MPPED2: variants seen among roughly 807,000 people sequenced by gnomAD.
MPPED2 encodes the protein metallophosphoesterase MPPED2.
Under a neutral mutation model 33.0 loss-of-function variants are expected in MPPED2, and 5 were observed. That is an observed-to-expected ratio of 0.15 (90% CI 0.08 to 0.32). MPPED2 has a LOEUF of 0.32. Among genes scored for constraint, MPPED2 ranks in the 10% least tolerant of loss-of-function variants. MPPED2 has a pLI of 1.00. For missense variants in MPPED2, 275 were observed against 372.1 expected (o/e 0.74, Z 2.15); for synonymous variants, 136 against 141.9 (o/e 0.96, Z 0.29).
Position 30,503,802 on chromosome 11 carries a change from C to T in MPPED2, c.311-8281G>A, listed in dbSNP as rs898876261. Among the ~76,000 whole-genome samples, 3 of 152,136 alleles carry T rather than the reference C, an allele frequency of 2.0e-5. No homozygotes were observed. The South Asian group carries it at 6.2e-4, about 31-fold the overall frequency. ...ATGTCTGGGGCATAGCACTCACAGT[C>T]AGTAAAGCTCATTCTATAGCAGGAG... On this transcript the variant is annotated intron_variant, in intron 3 of 6. Coordinates refer to ENST00000358117, the MANE Select transcript of MPPED2 (RefSeq NM_001584.3).
intron 4 of MPPED2, among the ~76,000 whole-genome samples, chr11:30,427,875 A>C (rs779524193): frequency 1.3e-5 from 2 of 152,190 alleles, no homozygotes; most frequent in Admixed American, 6.5e-5. Flanking sequence ...CATTTGGAAG[A>C]AAAATTATTC....
At chr11:30,439,798 A>C (rs1590270356) in intron 4 of MPPED2, among the ~76,000 whole-genome samples, 1 of 152,250 alleles carries the variant, frequency 6.6e-6, no homozygotes, top group African/African-American at 2.4e-5. Context: ...TCATAAGAGA[A>C]GGGAGTTCAG....
intron 4 of MPPED2, among the ~76,000 whole-genome samples, chr11:30,492,701 T>G (rs186780725): frequency 2.2e-4 from 16 of 72,262 alleles, no homozygotes; most frequent in African/African-American, 1.8e-3. Flanking sequence ...AAAAATAAAT[T>G]GACGTACCTT....
intron 2 of MPPED2, among the ~76,000 whole-genome samples, chr11:30,545,093 G>C (rs537695698): frequency 6.6e-6 from 1 of 152,162 alleles, no homozygotes. Context: ...ATTAGGGTCT[G>C]AACCTCAGGG....
chr11:30,551,424 C>T (rs1056788059), intron 2 of MPPED2, among the ~76,000 whole-genome samples: 1 of 152,152 alleles, frequency 6.6e-6, no homozygotes, highest in Non-Finnish European at 1.5e-5. Context: ...ATAGTCCCTC[C>T]CTGTCCAATG....
intron 3 of MPPED2, among the ~76,000 whole-genome samples, chr11:30,524,209 C>T (rs374353040): frequency 6.6e-6 from 1 of 151,918 alleles, no homozygotes; most frequent in East Asian, 1.9e-4. Context: ...GCTGAGATAG[C>T]GCCATTGCAC....
chr11:30,493,003 G>A (rs1011386716), intron 4 of MPPED2, among the ~76,000 whole-genome samples: 1 of 152,154 alleles, frequency 6.6e-6, no homozygotes, highest in Non-Finnish European at 1.5e-5. Context: ...TGGCATATAG[G>A]AAGTACTTAA....
intron 2 of MPPED2, among the ~76,000 whole-genome samples, chr11:30,557,469 G>A (rs1226918942): frequency 6.6e-6 from 1 of 151,972 alleles, no homozygotes; most frequent in East Asian, 1.9e-4. Context: ...CAAATTATTA[G>A]CTCTCACTAT....
chr11:30,513,770 A>C (rs1474516813), intron 3 of MPPED2, among the ~76,000 whole-genome samples: 1 of 152,252 alleles, frequency 6.6e-6, no homozygotes. Context: ...AGGAAACAAA[A>C]GAATGAAAGA....
chr11:30,545,351 C>G (rs1001522081), intron 2 of MPPED2, among the ~76,000 whole-genome samples: 2 of 152,052 alleles, frequency 1.3e-5, no homozygotes, highest in African/African-American at 4.8e-5. Context: ...GTGAAGGCAA[C>G]AGGAAATTGA....
At chr11:30,459,167 TC>T (rs1459528383) in intron 4 of MPPED2, among the ~76,000 whole-genome samples, 2 of 151,958 alleles carry the variant, frequency 1.3e-5, no homozygotes, top group African/African-American at 4.8e-5. Flanking sequence ...GACCTCGTGA[TC>T]CGCCCGCCTC....
chr11:30,583,548 G>A (rs543509170), intron 1 of MPPED2, among the ~76,000 whole-genome samples: 4 of 152,282 alleles, frequency 2.6e-5, no homozygotes, highest in Admixed American at 2.6e-4. Flanking sequence ...AGAAAATCAT[G>A]TGAGTACATT....
chr11:30,582,335 A>G (rs900138985), intron 1 of MPPED2, among the ~76,000 whole-genome samples: 1 of 152,236 alleles, frequency 6.6e-6, no homozygotes, highest in Non-Finnish European at 1.5e-5. Context: ...CAGAGGGGGA[A>G]AAATTCACAT....
chr11:30,585,373 A>AGCGGCGCGCGCGGGCGGCCCCGAGCGAGG, intron 1 of MPPED2, among the ~76,000 whole-genome samples: 1 of 151,642 alleles, frequency 6.6e-6, no homozygotes, highest in Non-Finnish European at 1.5e-5. Flanking sequence ...CCCGAGCGAG[A>AGCGGCGCGCGCGGGCGGCCCCGAGCGAGG]GCGGCGCGCG....
At chr11:30,572,238 T>A (rs1397174538) in intron 2 of MPPED2, among the ~76,000 whole-genome samples, 1 of 152,126 alleles carries the variant, frequency 6.6e-6, no homozygotes, top group Admixed American at 6.6e-5. Flanking sequence ...TTATGCAACA[T>A]ACAGCTAGGG....
intron 4 of MPPED2, among the ~76,000 whole-genome samples, chr11:30,468,242 A>C (rs1950798624): frequency 9.6e-6 from 1 of 103,862 alleles, no homozygotes; most frequent in South Asian, 2.7e-4. Context: ...ACACACACAC[A>C]CACACACACA....
intron 3 of MPPED2, among the ~76,000 whole-genome samples, chr11:30,510,196 AT>A (rs371163702): frequency 6.7e-6 from 1 of 150,306 alleles, no homozygotes; most frequent in Non-Finnish European, 1.5e-5. Context: ...GTTTAAGGCC[AT>A]TTTTTTTTCA....
intron 3 of MPPED2, among the ~76,000 whole-genome samples, chr11:30,532,142 G>A (rs1022563129): frequency 6.6e-6 from 1 of 152,142 alleles, no homozygotes; most frequent in African/African-American, 2.4e-5. Context: ...ACAGCATCTG[G>A]ACCTTACCTC....
intron 4 of MPPED2, among the ~76,000 whole-genome samples, chr11:30,443,546 T>C (rs1367991994): frequency 1.3e-5 from 2 of 151,512 alleles, no homozygotes; most frequent in Non-Finnish European, 2.9e-5. Flanking sequence ...GGGTGGGGAG[T>C]GAAAGCAGAC....
Sources: allele counts gnomAD v4.1 joint callset (sites outside exome capture counted in the v4.1 genomes callset), GRCh38; gene constraint gnomAD v4.1.1; transcripts MANE v1.5; gene names NCBI Gene and HGNC (gene_info 2026-07-23, HGNC 2026-07-21).